The following CNTN5 variants were observed in gnomAD, a reference collection of about 807,000 sequenced individuals.
CNTN5 encodes contactin 5.
A neutral mutation model predicts 129.1 loss-of-function variants in CNTN5; 77 were observed. That is an observed-to-expected ratio of 0.60 (90% CI 0.50 to 0.72). The LOEUF is 0.72. Among genes scored for constraint, CNTN5 ranks in the 30% least tolerant of loss-of-function variants. The pLI is 0.00. For missense variants in CNTN5, 1,478 were observed against 1,328.8 expected (o/e 1.11, Z -1.75); for synonymous variants, 509 against 465.6 (o/e 1.09, Z -1.20).
At chr11:99,932,638 T>C (rs1950219040) in intron 7 of CNTN5, among the ~76,000 whole-genome samples, 1 of 152,198 alleles carries the variant, frequency 6.6e-6, no homozygotes, top group East Asian at 1.9e-4. Flanking sequence ...GTTCTTACCA[T>C]AATTCCTCAT....
chr11:99,676,795 A>G (rs999480995), intron 3 of CNTN5, among the ~76,000 whole-genome samples: 2 of 152,224 alleles, frequency 1.3e-5, no homozygotes, highest in Non-Finnish European at 2.9e-5. Flanking sequence ...AGTATGAAAC[A>G]CAAATCATTA....
rs1038416310 is a variant in CNTN5, at chr11:99,729,800, C to A, written c.56-89744C>A. 2.6e-5 allele frequency among the ~76,000 whole-genome samples: 4 copies of A among 151,992 alleles called. No homozygotes were observed. The East Asian group carries it at 7.7e-4, about 29-fold the overall frequency. ...TATCCTCAGCAAACTAACACAGGAA[C>A]AAAAAACAAACACTGCATGTTCTCA... On this transcript the variant is annotated intron_variant, in intron 3 of 24. Coordinates refer to ENST00000524871, the MANE Select transcript of CNTN5 (RefSeq NM_014361.4).
At chr11:99,353,991 T>G (rs1857824377) in intron 2 of CNTN5, among the ~76,000 whole-genome samples, 2 of 152,224 alleles carry the variant, frequency 1.3e-5, no homozygotes, top group African/African-American at 4.8e-5. Flanking sequence ...CATGATGATA[T>G]TTTGTCAATC....
intron 21 of CNTN5, among the ~76,000 whole-genome samples, chr11:100,335,466 T>C (rs1366525214): frequency 6.6e-6 from 1 of 151,838 alleles, no homozygotes; most frequent in Non-Finnish European, 1.5e-5. Context: ...AAAAATAGAG[T>C]GTCTACTAAG....
intron 18 of CNTN5, among the ~76,000 whole-genome samples, chr11:100,293,304 T>A (rs1453801107): frequency 6.6e-6 from 1 of 151,840 alleles, no homozygotes; most frequent in Admixed American, 6.6e-5. Context: ...AATTCTTACA[T>A]TTCCTGAAAT....
intron 3 of CNTN5, among the ~76,000 whole-genome samples, chr11:99,744,512 A>G (rs1943984077): frequency 7.1e-6 from 1 of 141,438 alleles, no homozygotes; most frequent in African/African-American, 2.6e-5. Flanking sequence ...CCGATTGGGC[A>G]ACATAGCAAA....
chr11:100,312,868 G>T (rs994862380), intron 21 of CNTN5, among the ~76,000 whole-genome samples: 6 of 152,000 alleles, frequency 3.9e-5, no homozygotes, highest in Non-Finnish European at 1.5e-5. Context: ...AGATAGATAA[G>T]GTTCTGATCT....
intron 6 of CNTN5, among the ~76,000 whole-genome samples, chr11:99,903,269 G>A (rs1949406605): frequency 6.6e-6 from 1 of 151,586 alleles, no homozygotes; most frequent in African/African-American, 2.4e-5. Context: ...TCCTGTAAAG[G>A]GCTGTTTAGA....
At chr11:99,527,182 T>C (rs866392560) in intron 2 of CNTN5, among the ~76,000 whole-genome samples, 2 of 152,354 alleles carry the variant, frequency 1.3e-5, no homozygotes, top group Middle Eastern at 6.8e-3. Flanking sequence ...GTTTAGCTAT[T>C]GATTGTGCTT....
intron 3 of CNTN5, among the ~76,000 whole-genome samples, chr11:99,755,323 C>A (rs1025445268): frequency 1.3e-5 from 2 of 152,040 alleles, no homozygotes; most frequent in Admixed American, 6.6e-5. Flanking sequence ...GTGACTGTAC[C>A]ATTTTGCACT....
chr11:99,455,450 TA>T (rs201008030), intron 2 of CNTN5, among the ~76,000 whole-genome samples: 11 of 150,860 alleles, frequency 7.3e-5, no homozygotes, highest in African/African-American at 1.2e-4. Context: ...TTTTTTTTTT[TA>T]AAAAAAACAT....
chr11:99,769,277 T>A (rs1419053983), intron 3 of CNTN5, among the ~76,000 whole-genome samples: 1 of 152,160 alleles, frequency 6.6e-6, no homozygotes, highest in Non-Finnish European at 1.5e-5. Flanking sequence ...GCCCTAAACC[T>A]TGTATGTACT....
intron 9 of CNTN5, among the ~76,000 whole-genome samples, chr11:100,006,291 G>A (rs1300843709): frequency 6.6e-6 from 1 of 152,070 alleles, no homozygotes; most frequent in Admixed American, 6.6e-5. Context: ...GGTGGCTGTG[G>A]CAATTTATTA....
chr11:100,102,408 G>A (rs980065066), intron 13 of CNTN5, among the ~76,000 whole-genome samples: 7 of 151,656 alleles, frequency 4.6e-5, no homozygotes, highest in African/African-American at 1.7e-4. Context: ...CTTTTTGATG[G>A]GATTATTTGT....
chr11:99,946,092 G>T (rs1035750638), intron 7 of CNTN5, among the ~76,000 whole-genome samples: 26 of 151,964 alleles, frequency 1.7e-4, no homozygotes, highest in African/African-American at 5.8e-4. Flanking sequence ...AGTATCTCTC[G>T]ATCTCATCTT....
chr11:100,339,489 G>A (rs1356056173), intron 21 of CNTN5, among the ~76,000 whole-genome samples: 1 of 152,074 alleles, frequency 6.6e-6, no homozygotes, highest in Non-Finnish European at 1.5e-5. Context: ...GACGGTGGGG[G>A]TGGGCCATAG....
At chr11:99,651,260 A>G (rs1360315739) in intron 3 of CNTN5, among the ~76,000 whole-genome samples, 1 of 152,048 alleles carries the variant, frequency 6.6e-6, no homozygotes, top group African/African-American at 2.4e-5. Context: ...AGTAAAATTG[A>G]TAACATAGTA....
chr11:99,220,637 G>T (rs1233742479), intron 1 of CNTN5, among the ~76,000 whole-genome samples: 2 of 151,838 alleles, frequency 1.3e-5, no homozygotes, highest in Non-Finnish European at 2.9e-5. Context: ...CATTTTTCCA[G>T]CTGACACCAA....
At chr11:100,203,735 T>C (rs1199699872) in intron 15 of CNTN5, among the ~76,000 whole-genome samples, 2 of 150,394 alleles carry the variant, frequency 1.3e-5, no homozygotes, top group Non-Finnish European at 3.0e-5. Flanking sequence ...ATTACCATGT[T>C]TCTAACAAGC....
Sources: gnomAD v4.1 joint callset for allele counts (sites outside exome capture counted in the v4.1 genomes callset) on GRCh38, gnomAD v4.1.1 for gene constraint, MANE v1.5 for transcripts, NCBI Gene and HGNC (gene_info 2026-07-23, HGNC 2026-07-21) for gene names.